PCDH19: variants seen among roughly 807,000 people sequenced by gnomAD.
PCDH19 encodes the protein protocadherin-19.
A neutral mutation model predicts 46.2 loss-of-function variants in PCDH19; 6 were observed. The observed-to-expected ratio is 0.13, with a 90% CI of 0.07 to 0.26. PCDH19 has a LOEUF of 0.26. PCDH19 is among the 10% of genes least tolerant of loss of function. PCDH19 has a pLI of 1.00. For synonymous variants in PCDH19, 481 were observed against 415.7 expected, an observed-to-expected ratio of 1.16 and a Z score of -1.91; for missense variants, 740 against 972.3, an observed-to-expected ratio of 0.76 and a Z score of 3.18.
intron 5 of PCDH19, among the ~76,000 whole-genome samples, chrX:100,325,125 CTAGATAGATAGATAGATAGA>C (rs58882829): frequency 2.2e-5 from 2 of 91,465 alleles, no homozygotes; most frequent in African/African-American, 4.0e-5. Context: ...AGAAAAAATA[CTAGATAGATAGATAGATAGA>C]TAGATAGATA....
At chrX:100,395,323 G>T (rs1273724203) in intron 3 of PCDH19, among the ~76,000 whole-genome samples, 1 of 112,541 alleles carries the variant, frequency 8.9e-6, no homozygotes, top group Non-Finnish European at 1.9e-5. Context: ...TTTAAATACA[G>T]AATTCCACTG....
rs372702479 is a variant in PCDH19, at chrX:100,408,306, T to G, written c.292A>C (p.Lys98Gln). 8.3e-7 allele frequency: 1 copy of G among 1,209,348 alleles called. No individual in the cohort carries two copies. The highest frequency in any genetic ancestry group is 1.1e-6 in the Non-Finnish European group (1 of 895,047). Reference sequence around the variant, plus strand: ...ATGACCTCGAGCGAGATGATGCACTTGGGGCTCTGGCGGCACAGCAGATCA... The same window carrying G: ...ATGACCTCGAGCGAGATGATGCACTGGGGGCTCTGGCGGCACAGCAGATCA... The part of the protein sequence containing the change: ...DRDLLCRQSP[K>Q]CIISLEVMSS... Residue 98 changes from lysine to glutamine, a missense_variant, in exon 1 of 6, where the codon AAG (lysine) becomes CAG (glutamine). Around this residue, in one of 5 missense-constraint regions of PCDH19, gnomAD observed 81 missense variants for 96.5 expected, o/e 0.84. Transcript: ENST00000373034.
intron 3 of PCDH19, among the ~76,000 whole-genome samples, chrX:100,381,292 G>A (rs7885942): frequency 0.27 from 30,213 of 110,914 alleles, 3,367 homozygotes; most frequent in Middle Eastern, 0.53. Flanking sequence ...CTGACTTAAA[G>A]ATGAGTTAGT....
At position 100,292,892 on chromosome X, in the gene PCDH19, T is replaced by A. The variant is rs1188684404; in HGVS notation, c.*3385A>T. 1.8e-5 allele frequency: 2 copies of A among 111,658 alleles called. No individual in the cohort carries two copies. The highest frequency in any genetic ancestry group is 3.8e-5 in the Non-Finnish European group (2 of 53,131). 9.2% of individuals were successfully genotyped at this position (111,658 alleles called of 1,213,427 possible). Reference sequence around the variant, plus strand: ...TTTGGGGGAACATTCAACATCAAAATGATCCCCAGAAAGTGGATTGGAATT... The same window carrying A: ...TTTGGGGGAACATTCAACATCAAAAAGATCCCCAGAAAGTGGATTGGAATT... On this transcript the variant is annotated 3_prime_UTR_variant, in exon 6 of 6. Coordinates refer to ENST00000373034, the MANE Select transcript of PCDH19 (RefSeq NM_001184880.2).
intron 5 of PCDH19, among the ~76,000 whole-genome samples, chrX:100,337,235 C>T (rs1192713713): frequency 1.8e-5 from 2 of 111,666 alleles, no homozygotes; most frequent in East Asian, 5.6e-4. Flanking sequence ...CCCTCAGGGA[C>T]AGAAGGCATC....
intron 3 of PCDH19, among the ~76,000 whole-genome samples, chrX:100,395,678 T>C (rs1410594591): frequency 8.8e-6 from 1 of 113,166 alleles, no homozygotes; most frequent in Non-Finnish European, 1.9e-5. Flanking sequence ...AAGTAAGGTT[T>C]CTGCACAGGA....
chrX:100,338,108 A>C (rs1484176300), intron 5 of PCDH19, among the ~76,000 whole-genome samples: 1 of 111,083 alleles, frequency 9.0e-6, no homozygotes, highest in African/African-American at 3.3e-5. Flanking sequence ...TGGGAGGCCA[A>C]GGCAGGTGGA....
At chrX:100,298,003 T>C (rs1468956548) in intron 5 of PCDH19, among the ~76,000 whole-genome samples, 3 of 110,351 alleles carry the variant, frequency 2.7e-5, no homozygotes, top group Admixed American at 1.9e-4. Flanking sequence ...ATATATCTTA[T>C]ATATACATAT....
chrX:100,296,710 T>C lies in PCDH19; in HGVS notation c.3014A>G (p.Tyr1005Cys), dbSNP rs780295664. The change falls in exon 6 of 6, where the codon TAT becomes TGT. Residue 1005 changes from tyrosine (Y) to cysteine (C), a missense_variant. By Grantham distance (194) the Tyr-to-Cys change is radical (BLOSUM62 -2). Coordinates refer to ENST00000373034, the MANE Select transcript of PCDH19 (RefSeq NM_001184880.2). ...IEATAADVEA[Y>C]DDCGPTKRTF... is the part of the protein sequence containing the mutation. ...CCGTTTGGTGGGGCCGCAGTCGTCATAAGCCTCGACATCAGCAGCAGTAGC... is the reference window on the plus strand; with the variant it reads ...CCGTTTGGTGGGGCCGCAGTCGTCACAAGCCTCGACATCAGCAGCAGTAGC... The C allele has an allele frequency of 8.3e-7, 1 of 1,211,507 alleles. No homozygotes were observed. Among genetic ancestry groups the C allele is most frequent in the Admixed American group, 2.2e-5 (1 of 46,015 alleles).
chrX:100,345,802 G>A (rs1326417880), intron 4 of PCDH19, among the ~76,000 whole-genome samples: 1 of 111,681 alleles, frequency 9.0e-6, no homozygotes, highest in Non-Finnish European at 1.9e-5. Context: ...AGATTAGTTT[G>A]CCCATCTGAC....
rs973463305 is a variant in PCDH19 at position 100,337,104 on chromosome X, C to G, written c.2848+4799G>C. 1.1e-4 allele frequency among the ~76,000 whole-genome samples: 12 copies of G among 111,473 alleles called. No individual in the cohort carries two copies. In the Admixed American group the frequency reaches 1.1e-3, roughly 11 times the overall value. ...TGAGCCTCTGGCACCTCTCACTACT[C>G]TACTTGTCAATCACTCTTTTTAGAG... On this transcript the variant is annotated intron_variant, in intron 5 of 5. Transcript: ENST00000373034.
intron 3 of PCDH19, among the ~76,000 whole-genome samples, chrX:100,371,882 A>ACC (rs1491479618): frequency 1.0e-5 from 1 of 97,709 alleles, no homozygotes; most frequent in African/African-American, 4.7e-5. Flanking sequence ...ACACACACAC[A>ACC]CCCACACAAA....
intron 4 of PCDH19, among the ~76,000 whole-genome samples, chrX:100,348,552 C>T (rs1274025280): frequency 9.0e-6 from 1 of 111,625 alleles, no homozygotes; most frequent in Non-Finnish European, 1.9e-5. Flanking sequence ...GTTTCCTCTT[C>T]ATCAAGGTGG....
chrX:100,403,040 A>C (rs1013529022), intron 2 of PCDH19, among the ~76,000 whole-genome samples, 189 bp from the exon 3 acceptor site: 2 of 111,324 alleles, frequency 1.8e-5, no homozygotes, highest in African/African-American at 3.3e-5. Context: ...TAAACTTTTC[A>C]TATTAAACAT....
At chrX:100,309,989 T>C (rs968123051) in intron 5 of PCDH19, among the ~76,000 whole-genome samples, 2 of 112,245 alleles carry the variant, frequency 1.8e-5, no homozygotes, top group African/African-American at 6.5e-5. Flanking sequence ...AAATGGCACA[T>C]AGGCCTCTCC....
In PCDH19 at chrX:100,406,500, C is replaced by T. The variant is rs939197293; in HGVS notation, c.2098G>A (p.Ala700Thr). The T allele has an allele frequency of 3.4e-5, 41 of 1,206,086 alleles. No individual in the cohort carries two copies. The highest frequency in any genetic ancestry group is 4.4e-5 in the Non-Finnish European group (39 of 893,162). Residue 700 changes from alanine (A) to threonine (T), a missense_variant, in exon 1 of 6, where the codon GCA (alanine) becomes ACA (threonine). Coordinates refer to ENST00000373034, the MANE Select transcript of PCDH19 (RefSeq NM_001184880.2). ...GILFVTMIFVAIKCKRDNKEI... is the reference protein window; with the variant it reads ...GILFVTMIFVTIKCKRDNKEI... ...TTGTTGTCTCGCTTGCACTTGATTG[C>T]CACGAAGATCATAGTTACAAAGAGG...
At chrX:100,297,280 G>A (rs1366374817) in intron 5 of PCDH19, among the ~76,000 whole-genome samples, 1 of 111,399 alleles carries the variant, frequency 9.0e-6, no homozygotes, top group Non-Finnish European at 1.9e-5. Context: ...CCAACAGTCA[G>A]TGTATTTAAG....
In PCDH19 at chrX:100,408,413, C is replaced by A. The variant is rs775259534; in HGVS notation, c.185G>T (p.Arg62Leu). 8.3e-7 allele frequency: 1 copy of A among 1,207,376 alleles called. No individual in the cohort carries two copies. The change falls in exon 1 of 6, where the codon CGC becomes CTC. Residue 62 changes from arginine (R) to leucine (L), a missense_variant. By Grantham distance (102) the Arg-to-Leu change is moderately radical. Transcript: ENST00000373034. ...GTGTGGAGCCGAGTTGGACACCACGCGAAAGGCTGAAGCCTGCCGGGGGTC... is the reference window on the plus strand; with the variant it reads ...GTGTGGAGCCGAGTTGGACACCACGAGAAAGGCTGAAGCCTGCCGGGGGTC... ...ALDPRQASAF[R>L]VVSNSAPHLV...
At chrX:100,395,936 T>C (rs1247169022) in intron 3 of PCDH19, among the ~76,000 whole-genome samples, 3 of 112,490 alleles carry the variant, frequency 2.7e-5, no homozygotes, top group African/African-American at 6.5e-5. Context: ...AGCCTCTCAA[T>C]TGTTCGAAGT....
Sources: gnomAD v4.1 joint callset for allele counts (sites outside exome capture counted in the v4.1 genomes callset) on GRCh38, gnomAD v4.1.1 for gene constraint, gnomAD v4.1.1 regional missense constraint, MANE v1.5 for transcripts, NCBI Gene and HGNC (gene_info 2026-07-23, HGNC 2026-07-21) for gene names.